The following SCLT1 variants were observed in gnomAD, a reference collection of about 807,000 sequenced individuals.
SCLT1 encodes sodium channel and clathrin linker 1, also known as sodium channel-associated protein 1.
Under a neutral mutation model 112.8 loss-of-function variants are expected in SCLT1, and 78 were observed. That is an observed-to-expected ratio of 0.69 (90% confidence interval 0.58 to 0.83). The LOEUF (loss-of-function observed/expected upper bound fraction) is 0.83, where lower values mean the gene tolerates loss of function less well. SCLT1 is among the 40% of genes least tolerant of loss of function. The pLI is 0.00. For synonymous variants in SCLT1, 257 were observed against 254.7 expected (o/e 1.01, Z -0.09); for missense variants, 747 against 770.4 (o/e 0.97, Z 0.36).
chr4:129,070,726 C>T (rs1026617453), intron 2 of SCLT1, among the ~76,000 whole-genome samples: 1 of 151,786 alleles, frequency 6.6e-6, no homozygotes, highest in Non-Finnish European at 1.5e-5. Context: ...TTTTATTTAT[C>T]TTTTGGGTTT....
chr4:128,916,009 G>T (rs1429947218), intron 18 of SCLT1, among the ~76,000 whole-genome samples: 1 of 152,254 alleles, frequency 6.6e-6, no homozygotes, highest in Non-Finnish European at 1.5e-5. Context: ...GCTTGGAGAA[G>T]AATGGTCACT....
chr4:128,948,352 AAAAAAAAG>A, intron 15 of SCLT1, 136 bp downstream of exon 15: 2 of 1,028,024 alleles, frequency 1.9e-6, no homozygotes, highest in South Asian at 2.1e-5. Context: ...AAAAAAAAAA[AAAAAAAAG>A]AAAAGAAAAG....
chr4:129,092,976 A>T, intron 1 of SCLT1, 94 bp downstream of exon 1: 1 of 935,952 alleles, frequency 1.1e-6, no homozygotes, highest in Non-Finnish European at 1.7e-6. Flanking sequence ...TTACCAATTT[A>T]AATGTACCCA....
At chr4:129,016,763 G>A (rs565657464) in intron 5 of SCLT1, among the ~76,000 whole-genome samples, 10 of 152,122 alleles carry the variant, frequency 6.6e-5, no homozygotes, top group East Asian at 5.8e-4. Context: ...CCCAAATGCC[G>A]GCTTATATCC....
intron 5 of SCLT1, among the ~76,000 whole-genome samples, chr4:129,010,896 T>G (rs1744459539): frequency 6.6e-6 from 1 of 152,220 alleles, no homozygotes; most frequent in African/African-American, 2.4e-5. Context: ...CCTCTCTTCC[T>G]ATTTGGATTA....
chr4:129,067,752 T>G, intron 2 of SCLT1, among the ~76,000 whole-genome samples: 1 of 152,110 alleles, frequency 6.6e-6, no homozygotes, highest in East Asian at 1.9e-4. Context: ...CCTCAAGCGA[T>G]CCACCTGCCT....
At chr4:128,925,115 G>T (rs1487785917) in intron 18 of SCLT1, among the ~76,000 whole-genome samples, 4 of 152,070 alleles carry the variant, frequency 2.6e-5, no homozygotes, top group Non-Finnish European at 5.9e-5. Context: ...TCCTTTCCTG[G>T]TCAAGCTCTG....
intron 9 of SCLT1, among the ~76,000 whole-genome samples, chr4:128,981,568 T>C (rs1388976597): frequency 6.6e-6 from 1 of 152,070 alleles, no homozygotes; most frequent in Non-Finnish European, 1.5e-5. Context: ...ACCCAGGAAC[T>C]GACTCAGCAT....
intron 9 of SCLT1, among the ~76,000 whole-genome samples, chr4:128,973,847 T>C (rs1001776725): frequency 6.6e-6 from 1 of 152,140 alleles, no homozygotes; most frequent in African/African-American, 2.4e-5. Context: ...TTTAAATATA[T>C]TTGTTTATTC....
intron 15 of SCLT1, among the ~76,000 whole-genome samples, chr4:128,947,230 A>G (rs1443460097): frequency 1.3e-5 from 2 of 152,070 alleles, no homozygotes; most frequent in Non-Finnish European, 2.9e-5. Context: ...TAAGTTTTAC[A>G]TTTCCCCAAA....
intron 9 of SCLT1, among the ~76,000 whole-genome samples, chr4:128,980,748 C>A (rs1260309765): frequency 1.3e-5 from 2 of 152,092 alleles, no homozygotes; most frequent in Non-Finnish European, 2.9e-5. Flanking sequence ...CTTTTTAATT[C>A]ATTGTGCAAA....
intron 20 of SCLT1, among the ~76,000 whole-genome samples, chr4:128,886,899 C>T (rs1052237706): frequency 2.2e-4 from 33 of 152,092 alleles, no homozygotes; most frequent in Admixed American, 2.2e-3. Context: ...TTTTCGTAGA[C>T]GTTTTCTTTG....
chr4:129,065,498 A>T lies in SCLT1; in HGVS notation c.102+16808T>A, dbSNP rs1423850296. ...ATAAATATTTGACTTTGTCAATAACATGGTTTTTGTTCCAACTATTCAAGC... is the reference window on the plus strand; with the variant it reads ...ATAAATATTTGACTTTGTCAATAACTTGGTTTTTGTTCCAACTATTCAAGC... On this transcript the variant is annotated intron_variant, in intron 2 of 20. Transcript: ENST00000281142. Among the ~76,000 whole-genome samples, 4 of 152,106 alleles carry T rather than the reference A, an allele frequency of 2.6e-5. No individual in the cohort carries two copies. In the East Asian group the frequency reaches 5.8e-4, roughly 22 times the overall value.
At chr4:128,999,874 A>G (rs1046458338) in intron 6 of SCLT1, 80 bp from the exon 7 acceptor site, 1 of 887,592 alleles carries the variant, frequency 1.1e-6, no homozygotes, top group African/African-American at 1.7e-5. Context: ...TTTCTTTTAT[A>G]GAATAAGTTC....
intron 2 of SCLT1, among the ~76,000 whole-genome samples, chr4:129,077,224 A>G (rs1429844792): frequency 6.6e-6 from 1 of 152,178 alleles, no homozygotes; most frequent in South Asian, 2.1e-4. Context: ...TACACCTAAC[A>G]AAGTTTATAT....
chr4:128,957,032 C>A lies in SCLT1; in HGVS notation c.1140G>T (p.Lys380Asn). ...RFVQDATIRT[K>N]KEVANTKKQC... ...TATAATTAAAAATCCTTACTTCTTT[C>A]TTGGTTCTTATGGTAGCATCTTGTA... The change falls in exon 13 of 21, where the codon AAG becomes AAT. Residue 380 changes from lysine (K) to asparagine (N), a missense_variant. This residue lies in a region of SCLT1 where 723 missense variants were observed against 721.3 expected (regional missense o/e 1.00). Coordinates refer to ENST00000281142, the MANE Select transcript of SCLT1 (RefSeq NM_144643.4). The A allele has an allele frequency of 6.5e-7, 1 of 1,530,824 alleles. No homozygotes were observed. The highest frequency in any genetic ancestry group is 8.9e-7 in the Non-Finnish European group (1 of 1,127,192). 94.8% of individuals were successfully genotyped at this position (1,530,824 alleles called of 1,614,324 possible).
At chr4:129,067,598 C>A (rs1006457642) in intron 2 of SCLT1, among the ~76,000 whole-genome samples, 2 of 152,040 alleles carry the variant, frequency 1.3e-5, no homozygotes, top group African/African-American at 4.8e-5. Context: ...GCAACAGCCA[C>A]CTCCCTGGTT....
intron 18 of SCLT1, among the ~76,000 whole-genome samples, chr4:128,934,066 T>C (rs1475083698): frequency 6.6e-6 from 1 of 152,012 alleles, no homozygotes; most frequent in Non-Finnish European, 1.5e-5. Context: ...GGTATTGCTT[T>C]TCAAATTTTG....
chr4:129,077,632 A>C (rs2125766126), intron 2 of SCLT1, among the ~76,000 whole-genome samples: 1 of 152,310 alleles, frequency 6.6e-6, no homozygotes, highest in Admixed American at 6.5e-5. Context: ...AACATGGCTA[A>C]ACAAAAAGGG....
Sources: gnomAD v4.1 joint callset for allele counts (sites outside exome capture counted in the v4.1 genomes callset) on GRCh38, gnomAD v4.1.1 for gene constraint, gnomAD v4.1.1 regional missense constraint, MANE v1.5 for transcripts, NCBI Gene and HGNC (gene_info 2026-07-23, HGNC 2026-07-21) for gene names.